CD58: variants seen among roughly 807,000 people sequenced by gnomAD.
CD58 encodes the protein CD58 molecule, also known as lymphocyte function-associated antigen 3.
CD58 carries 14 observed loss-of-function variants against 27.6 expected under a neutral mutation model. The observed-to-expected ratio is 0.51, with a 90% confidence interval of 0.34 to 0.79. The LOEUF is 0.79. Among genes scored for constraint, CD58 ranks in the 30% least tolerant of loss-of-function variants. CD58 has a pLI of 0.02. For synonymous variants in CD58, 117 were observed against 103.8 expected (o/e 1.13, Z -0.77); for missense variants, 268 against 301.7 (o/e 0.89, Z 0.83).
In CD58 at chr1:116,557,214, C is replaced by T. The variant is rs1214901247; in HGVS notation, c.71-12610G>A. ...AGCAAAATTTGACAGTCACCCCAAA[C>T]CCTGGGCTTTGTGAAATCCCAAATT... On this transcript the variant is annotated intron_variant, in intron 1 of 5. Coordinates refer to ENST00000369489, the MANE Select transcript of CD58 (RefSeq NM_001779.3). This position sits in a 1 kb window ranked among gnomAD's most constrained non-coding sequence, Gnocchi z 5.2. Among the ~76,000 whole-genome samples, 2 of 152,186 alleles carry T rather than the reference C, an allele frequency of 1.3e-5. No homozygotes were observed. The highest frequency in any genetic ancestry group is 2.9e-5 in the Non-Finnish European group (2 of 68,026).
rs549827959 is a variant in CD58 at position 116,527,780 on chromosome 1, C to T, written c.629-5797G>A. On this transcript the variant is annotated intron_variant, in intron 3 of 5. Coordinates refer to ENST00000369489, the MANE Select transcript of CD58 (RefSeq NM_001779.3). The surrounding 1 kb of genome is among the most constrained non-coding windows in gnomAD (Gnocchi z 4.4). ...TTCCTTAAATATCTGGTAGAATTCA[C>T]CAATGAACCCATCTGAACCTGGTGC... 6.6e-6 allele frequency among the ~76,000 whole-genome samples: 1 copy of T among 152,282 alleles called. No individual in the cohort carries two copies. Among genetic ancestry groups the T allele is most frequent in the South Asian group, 2.1e-4 (1 of 4,820 alleles).
At chr1:116,535,926 G>C (rs1414940735) in intron 3 of CD58, 39 bp downstream of exon 3, 5 of 1,531,194 alleles carry the variant, frequency 3.3e-6, no homozygotes, top group Non-Finnish European at 4.5e-6. Context: ...CACATCTGTG[G>C]TCTGAAAGCC....
Position 116,515,265 on chromosome 1 carries a change from T to C in CD58, c.744-443A>G, listed in dbSNP as rs556677263. On this transcript the variant is annotated intron_variant, in intron 5 of 5. Transcript: ENST00000369489. The surrounding 1 kb of genome is among the most constrained non-coding windows in gnomAD (Gnocchi z 4.6). ...GCAACGACAGAACAATCTCTGGCTGTCTTGGAGTAAATCAGCCGAAAAACA... is the reference window on the plus strand; with the variant it reads ...GCAACGACAGAACAATCTCTGGCTGCCTTGGAGTAAATCAGCCGAAAAACA... Among the ~76,000 whole-genome samples, 2 of 152,348 alleles carry C rather than the reference T, an allele frequency of 1.3e-5. No individual in the cohort carries two copies. The highest frequency in any genetic ancestry group is 4.8e-5 in the African/African-American group (2 of 41,580).
At chr1:116,555,470 A>C (rs193105049) in intron 1 of CD58, among the ~76,000 whole-genome samples, 251 of 152,212 alleles carry the variant, frequency 1.6e-3, no homozygotes, top group African/African-American at 5.8e-3. Flanking sequence ...AGAGAGATGG[A>C]GGGAGGGAAA....
At chr1:116,533,617 C>T (rs981500044) in intron 3 of CD58, 2 of 704,276 alleles carry the variant, frequency 2.8e-6, no homozygotes, top group Non-Finnish European at 5.4e-6. Flanking sequence ...CTCTGGAATT[C>T]CTTTGGGATT....
chr1:116,540,339 TCCTCTTTTCTTA>T (rs1657950895), intron 2 of CD58, among the ~76,000 whole-genome samples: 1 of 146,176 alleles, frequency 6.8e-6, no homozygotes, highest in African/African-American at 2.6e-5. Context: ...AAGTATGACT[TCCTCTTTTCTTA>T]AAAAAAAAAA....
In CD58 at chr1:116,559,882, A is replaced by T. The variant is rs1658702450; in HGVS notation, c.70+11021T>A. 1 of 153,154 alleles carries T rather than the reference A, an allele frequency of 6.5e-6. No individual in the cohort carries two copies. Among genetic ancestry groups the T allele is most frequent in the Admixed American group, 6.5e-5 (1 of 15,290 alleles). 9.5% of individuals were successfully genotyped at this position (153,154 alleles called of 1,614,324 possible). On this transcript the variant is annotated intron_variant, in intron 1 of 5. Transcript: ENST00000369489. This position sits in a 1 kb window ranked among gnomAD's most constrained non-coding sequence, Gnocchi z 4.4. ...TATGCAATCCATCAAAGTAGCTACC[A>T]GCTACAAGTGGCTAGTGAGAACCTG...
Position 116,527,310 on chromosome 1 carries a change from G to GT in CD58, c.629-5328dup, listed in dbSNP as rs1353352679. On this transcript the variant is annotated intron_variant, in intron 3 of 5. Transcript: ENST00000369489. This position sits in a 1 kb window ranked among gnomAD's most constrained non-coding sequence, Gnocchi z 4.4. The stretch of plus-strand genomic sequence containing the variant: ...CATTACAGATGATGTTAGCTGCAGG[G>GT]TTTTTTGTAGGCATTTGTTAACAAG... Among the ~76,000 whole-genome samples, 1 of 152,144 alleles carries GT rather than the reference G, an allele frequency of 6.6e-6. No homozygotes were observed. The highest frequency in any genetic ancestry group is 1.5e-5 in the Non-Finnish European group (1 of 68,012).
At chr1:116,526,952 G>A (rs1334681011) in intron 3 of CD58, among the ~76,000 whole-genome samples, 1 of 152,032 alleles carries the variant, frequency 6.6e-6, no homozygotes, top group Non-Finnish European at 1.5e-5. Context: ...GGTAAATGGT[G>A]TTGTGTTTTA....
chr1:116,535,988 A>G lies in CD58; in HGVS notation c.605T>C (p.Leu202Ser). The change falls in exon 3 of 6, where the codon TTG becomes TCG. Residue 202 changes from leucine to serine, a missense_variant. Physicochemically the swap from Leu to Ser is moderately radical, Grantham distance 145. Coordinates refer to ENST00000369489, the MANE Select transcript of CD58 (RefSeq NM_001779.3). ...PLFNTTSSII[L>S]TTCIPSSGHS... ...ACCGCTGCTTGGGATACAGGTTGTC[A>G]AAATGATTGATGATGTTGTATTAAA... The G allele has an allele frequency of 6.2e-7, 1 of 1,610,682 alleles. No individual in the cohort carries two copies. Among genetic ancestry groups the G allele is most frequent in the Non-Finnish European group, 8.5e-7 (1 of 1,178,664 alleles).
At chr1:116,548,540 T>C (rs1040364432) in intron 1 of CD58, among the ~76,000 whole-genome samples, 1 of 152,244 alleles carries the variant, frequency 6.6e-6, no homozygotes, top group South Asian at 2.1e-4. Context: ...TAAGTTCTTT[T>C]CTCTAGCTTA....
chr1:116,544,178 A>AAAGGAG, intron 2 of CD58, 133 bp downstream of exon 2: 1 of 640,370 alleles, frequency 1.6e-6, no homozygotes, highest in Non-Finnish European at 2.7e-6. Flanking sequence ...CTATACCAGA[A>AAAGGAG]AAGGAGAAAA....
Position 116,515,668 on chromosome 1 carries a change from C to T in CD58, c.744-846G>A, listed in dbSNP as rs1422379524. Among the ~76,000 whole-genome samples, 1 of 152,176 alleles carries T rather than the reference C, an allele frequency of 6.6e-6. No homozygotes were observed. The highest frequency in any genetic ancestry group is 1.5e-5 in the Non-Finnish European group (1 of 68,032). ...TCCTCACCCACTACAAGGAATCAAG[C>T]CTGCTTCTCCAGCTTGGCTCCTGCC... On this transcript the variant is annotated intron_variant, in intron 5 of 5. Coordinates refer to ENST00000369489, the MANE Select transcript of CD58 (RefSeq NM_001779.3). The surrounding 1 kb of genome is among the most constrained non-coding windows in gnomAD (Gnocchi z 4.6).
rs1659090820 is a variant in CD58, at chr1:116,570,130, C to T, written c.70+773G>A. On this transcript the variant is annotated intron_variant, in intron 1 of 5. Transcript: ENST00000369489. This position sits in a 1 kb window ranked among gnomAD's most constrained non-coding sequence, Gnocchi z 6.4. ...CGCTGGGAGGTTACTGCTGTACTCC[C>T]GGGGTTTTGCTATGGCCTGACTGGG... Among the ~76,000 whole-genome samples, 1 of 152,150 alleles carries T rather than the reference C, an allele frequency of 6.6e-6. No homozygotes were observed. The highest frequency in any genetic ancestry group is 6.5e-5 in the Admixed American group (1 of 15,278).
rs906844124 is a variant in CD58, at chr1:116,517,632, G to A, written c.743+1599C>T. On this transcript the variant is annotated intron_variant, in intron 5 of 5. Coordinates refer to ENST00000369489, the MANE Select transcript of CD58 (RefSeq NM_001779.3). This position sits in a 1 kb window ranked among gnomAD's most constrained non-coding sequence, Gnocchi z 6.5. ...GCCTCCTCCCTCGAGTCTCTAACCC[G>A]GGGCTACCCTGGCTCTGATCCTGGA... Among the ~76,000 whole-genome samples, 8 of 152,106 alleles carry A rather than the reference G, an allele frequency of 5.3e-5. No individual in the cohort carries two copies. Among genetic ancestry groups the A allele is most frequent in the Admixed American group, 2.6e-4 (4 of 15,274 alleles).
At chr1:116,561,761 A>G (rs12091887) in intron 1 of CD58, among the ~76,000 whole-genome samples, 6,743 of 152,250 alleles carry the variant, frequency 0.044, 468 homozygotes, top group African/African-American at 0.15. Flanking sequence ...GTTCAAGTTC[A>G]CTCTGCCACT....
rs183216688 is a variant in CD58, at chr1:116,527,983, G to A, written c.629-6000C>T. ...TCCCTATGTTGCCCAGGCTGGTCTC[G>A]AACTCTCAGCCTCAAGCAATCCTCC... is the stretch of plus-strand genomic sequence containing the variant. On this transcript the variant is annotated intron_variant, in intron 3 of 5. Coordinates refer to ENST00000369489, the MANE Select transcript of CD58 (RefSeq NM_001779.3). The surrounding 1 kb of genome is among the most constrained non-coding windows in gnomAD (Gnocchi z 4.4). 2.6e-5 allele frequency among the ~76,000 whole-genome samples: 4 copies of A among 152,078 alleles called. No homozygotes were observed. The highest frequency in any genetic ancestry group is 9.7e-5 in the African/African-American group (4 of 41,394).
At chr1:116,526,574 C>T (rs1241672245) in intron 3 of CD58, among the ~76,000 whole-genome samples, 1 of 152,188 alleles carries the variant, frequency 6.6e-6, no homozygotes, top group Non-Finnish European at 1.5e-5. Flanking sequence ...ACCAGTACCA[C>T]ACTATGTTGA....
At chr1:116,539,575 A>C (rs979994269) in intron 2 of CD58, among the ~76,000 whole-genome samples, 3 of 152,264 alleles carry the variant, frequency 2.0e-5, no homozygotes, top group Admixed American at 1.3e-4. Context: ...GGAAACATGA[A>C]GAAGTGTTAG....
Sources: allele counts gnomAD v4.1 joint callset (sites outside exome capture counted in the v4.1 genomes callset), GRCh38; gene constraint gnomAD v4.1.1; non-coding constraint Gnocchi (gnomAD v3.1); transcripts MANE v1.5; gene names NCBI Gene and HGNC (gene_info 2026-07-23, HGNC 2026-07-21).